Variants in CEP350 observed in about 807,000 individuals in gnomAD.
CEP350 encodes the protein centrosomal protein 350.
Under a neutral mutation model 331.8 loss-of-function variants are expected in CEP350, and 126 were observed. The ratio of observed to expected loss-of-function variants is 0.38; its 90% CI spans 0.33 to 0.44. CEP350 has a LOEUF of 0.44. Among genes scored for constraint, CEP350 ranks in the 20% least tolerant of loss-of-function variants. The pLI is 1.00. For missense variants in CEP350, 3,406 were observed against 3,634.6 expected, an observed-to-expected ratio of 0.94 and a Z score of 1.62; for synonymous variants, 1,200 against 1,259.5, an observed-to-expected ratio of 0.95 and a Z score of 1.00.
Position 180,044,090 on chromosome 1 carries a change from G to T in CEP350, c.4539G>T (p.Gly1513=), listed in dbSNP as rs757981486. The T allele has an allele frequency of 1.3e-6, 2 of 1,557,132 alleles. No individual in the cohort carries two copies. Among genetic ancestry groups the T allele is most frequent in the African/African-American group, 1.4e-5 (1 of 73,594 alleles). ...TTTCACTCTCTCAGAGTAAAGAAGG[G>T]ACCCTTGACTCAAAGCATCAGAAGT... ...PSVSLSQSKE[G]TLDSKHQKYS... is the part of the protein sequence containing the mutation. The change falls in exon 21 of 38, where the codon GGG becomes GGT. Residue 1513 remains glycine (G), a synonymous_variant. Transcript: ENST00000367607.
At chr1:180,062,498 A>G in intron 26 of CEP350, 132 bp downstream of exon 26, 1 of 1,193,112 alleles carries the variant, frequency 8.4e-7, no homozygotes, top group Admixed American at 3.5e-5. Context: ...AGTTCTATGG[A>G]TGGGCCAGTC....
At chr1:179,987,867 C>T (rs1652752871) in intron 3 of CEP350, among the ~76,000 whole-genome samples, 1 of 151,940 alleles carries the variant, frequency 6.6e-6, no homozygotes, top group Non-Finnish European at 1.5e-5. Context: ...GTTGAGGCTT[C>T]GAGGTTGCAG....
intron 8 of CEP350, among the ~76,000 whole-genome samples, chr1:180,006,962 G>A (rs1277727821): frequency 2.0e-5 from 3 of 152,124 alleles, no homozygotes; most frequent in African/African-American, 7.2e-5. Context: ...TGGCTGCATA[G>A]TATTCCATGC....
intron 7 of CEP350, among the ~76,000 whole-genome samples, chr1:180,004,910 T>TTGCTTGCTTGCTTGCTTG (rs1558093178): frequency 9.3e-5 from 4 of 42,858 alleles, no homozygotes; most frequent in African/African-American, 2.9e-4. Flanking sequence ...TTGCTTGCTT[T>TTGCTTGCTTGCTTGCTTG]CTTTCTTTCT....
At chr1:180,104,426 T>A (rs896919080) in intron 37 of CEP350, among the ~76,000 whole-genome samples, 3 of 152,140 alleles carry the variant, frequency 2.0e-5, no homozygotes, top group Non-Finnish European at 2.9e-5. Flanking sequence ...TTGCTTAGGA[T>A]CTCTAGTTTT....
At chr1:180,030,346 CATAAT>C (rs1161396915) in intron 14 of CEP350, among the ~76,000 whole-genome samples, 14 of 123,342 alleles carry the variant, frequency 1.1e-4, no homozygotes, top group Non-Finnish European at 1.8e-4. Flanking sequence ...TATATATAAA[CATAAT>C]ATATATATAA....
chr1:180,040,955 T>G (rs1385067274), intron 17 of CEP350, among the ~76,000 whole-genome samples, 183 bp from the exon 18 acceptor site: 1 of 152,116 alleles, frequency 6.6e-6, no homozygotes, highest in Non-Finnish European at 1.5e-5. Context: ...ATATGGGAGG[T>G]GATCATTAAA....
At chr1:180,009,683 T>G (rs1654500710) in intron 8 of CEP350, among the ~76,000 whole-genome samples, 1 of 152,210 alleles carries the variant, frequency 6.6e-6, no homozygotes, top group Admixed American at 6.5e-5. Flanking sequence ...AAAATCAGGC[T>G]GAAATTGAAG....
intron 1 of CEP350, among the ~76,000 whole-genome samples, chr1:179,975,492 A>C (rs1227200988): frequency 6.6e-6 from 1 of 152,176 alleles, no homozygotes; most frequent in Non-Finnish European, 1.5e-5. Context: ...CTTTGAACAG[A>C]GGCAAGGGGA....
chr1:180,037,115 T>C (rs954025187), intron 17 of CEP350, 26 bp downstream of exon 17: 7 of 1,530,774 alleles, frequency 4.6e-6, no homozygotes, highest in Non-Finnish European at 6.1e-6. Context: ...TTTAGCTTTC[T>C]GTGGTTTTTC....
At chr1:179,998,029 A>G (rs1354683169) in intron 6 of CEP350, among the ~76,000 whole-genome samples, 10 of 151,668 alleles carry the variant, frequency 6.6e-5, no homozygotes, top group Admixed American at 1.3e-4. Flanking sequence ...TTTTAAAGCC[A>G]ACTCAAGTTT....
At chr1:180,032,555 C>T (rs991437085) in intron 15 of CEP350, among the ~76,000 whole-genome samples, 2 of 152,002 alleles carry the variant, frequency 1.3e-5, no homozygotes, top group Admixed American at 6.6e-5. Flanking sequence ...CCCTTCCCTA[C>T]CCATGGAGAT....
chr1:179,967,358 A>G (rs1489705845), intron 1 of CEP350, among the ~76,000 whole-genome samples: 1 of 152,182 alleles, frequency 6.6e-6, no homozygotes, highest in Non-Finnish European at 1.5e-5. Context: ...TAAAAACTAT[A>G]TCTAAAAATC....
intron 4 of CEP350, among the ~76,000 whole-genome samples, chr1:179,991,665 A>ATGTGTGTGTG (rs1478542787): frequency 1.3e-3 from 88 of 68,636 alleles, no homozygotes; most frequent in African/African-American, 2.6e-3. Context: ...GTATATATAT[A>ATGTGTGTGTG]TATGTGTGTG....
chr1:180,049,501 T>C (rs1219629601), intron 22 of CEP350, among the ~76,000 whole-genome samples: 1 of 151,998 alleles, frequency 6.6e-6, no homozygotes, highest in Admixed American at 6.6e-5. Flanking sequence ...CTGCTGCTGC[T>C]TCTGGCCATG....
At position 180,100,053 on chromosome 1, in the gene CEP350, T is replaced by C. The variant is rs568276928; in HGVS notation, c.9189+1068T>C. Among the ~76,000 whole-genome samples the C allele has an allele frequency of 1.1e-4, 17 of 152,354 alleles. No homozygotes were observed. In the South Asian group the frequency reaches 2.1e-3, roughly 19 times the overall value. ...CGCCTGCCTTGGCCTCCCAAAGTGC[T>C]GGGATTACAGGCATGAGCCACCGCG... On this transcript the variant is annotated intron_variant, in intron 37 of 37. Coordinates refer to ENST00000367607, the MANE Select transcript of CEP350 (RefSeq NM_014810.5).
chr1:180,060,686 G>A, intron 25 of CEP350, among the ~76,000 whole-genome samples: 2 of 151,432 alleles, frequency 1.3e-5, no homozygotes, highest in South Asian at 2.1e-4. Flanking sequence ...ACCATACATG[G>A]GTAAGAGATA....
Position 180,074,155 on chromosome 1 carries a change from G to T in CEP350, c.5568-867G>T, listed in dbSNP as rs529956619. Among the ~76,000 whole-genome samples, 3 of 152,122 alleles carry T rather than the reference G, an allele frequency of 2.0e-5. No homozygotes were observed. In the East Asian group the frequency reaches 5.8e-4, roughly 29 times the overall value. On this transcript the variant is annotated intron_variant, in intron 27 of 37. Transcript: ENST00000367607. ...TGCGATACATGTACGCATTTTTCTT[G>T]GTTAGCTACCACTATAGATGTAACA...
At chr1:179,971,874 T>C (rs1323536490) in intron 1 of CEP350, among the ~76,000 whole-genome samples, 1 of 152,164 alleles carries the variant, frequency 6.6e-6, no homozygotes, top group Non-Finnish European at 1.5e-5. Context: ...ATTATGGAAA[T>C]AGTTTTGATT....
Sources: allele counts gnomAD v4.1 joint callset (sites outside exome capture counted in the v4.1 genomes callset), GRCh38; gene constraint gnomAD v4.1.1; transcripts MANE v1.5; gene names NCBI Gene and HGNC (gene_info 2026-07-23, HGNC 2026-07-21).